The following CFAP54 variants were observed in gnomAD, a reference collection of about 807,000 sequenced individuals.
CFAP54 encodes cilia and flagella associated protein 54.
A neutral mutation model predicts 370.4 loss-of-function variants in CFAP54; 290 were observed. The observed-to-expected ratio is 0.78, with a 90% CI of 0.71 to 0.86. The LOEUF is 0.86. CFAP54 is among the 40% of genes least tolerant of loss of function. The pLI, the probability that CFAP54 is intolerant of heterozygous loss-of-function variation, is 0.00. For missense variants in CFAP54, 3,399 were observed against 3,528.7 expected (o/e 0.96, Z 0.93); for synonymous variants, 1,206 against 1,236.5 (o/e 0.98, Z 0.52).
intron 50 of CFAP54, among the ~76,000 whole-genome samples, chr12:96,733,513 G>A (rs1957945680): frequency 6.7e-6 from 1 of 148,710 alleles, no homozygotes; most frequent in Admixed American, 6.7e-5. Flanking sequence ...CTACTTCTAG[G>A]GCTGCCTCTT....
rs564303045 is a variant in CFAP54 at position 96,858,919 on chromosome 12, T to C, written c.9172-1900T>C. Among the ~76,000 whole-genome samples the C allele has an allele frequency of 4.6e-5, 7 of 152,324 alleles. No individual in the cohort carries two copies. The South Asian group carries it at 1.4e-3, about 32-fold the overall frequency. On this transcript the variant is annotated intron_variant, in intron 66 of 67. Transcript: ENST00000524981. ...TTTAAAATTAATGGAACTAAAATTA[T>C]GGAACCAAAAGACAGCCTAAATAGC...
intron 40 of CFAP54, among the ~76,000 whole-genome samples, chr12:96,680,871 G>T (rs1395409758): frequency 6.6e-6 from 1 of 152,118 alleles, no homozygotes; most frequent in Non-Finnish European, 1.5e-5. Flanking sequence ...ATCATTTGAG[G>T]TTAGGAGTTA....
chr12:96,570,209 A>G (rs982078478), intron 19 of CFAP54, among the ~76,000 whole-genome samples: 1 of 152,074 alleles, frequency 6.6e-6, no homozygotes, highest in Non-Finnish European at 1.5e-5. Context: ...CCTGGGTTCA[A>G]GGGGTCCGCT....
intron 26 of CFAP54, among the ~76,000 whole-genome samples, chr12:96,616,072 A>G (rs1039119350): frequency 2.0e-5 from 3 of 152,244 alleles, no homozygotes; most frequent in Non-Finnish European, 4.4e-5. Context: ...ACATATGTTT[A>G]TTGCGGCACT....
chr12:96,694,573 C>T (rs927799341), intron 45 of CFAP54, among the ~76,000 whole-genome samples: 3 of 152,016 alleles, frequency 2.0e-5, no homozygotes, highest in African/African-American at 7.2e-5. Context: ...ATTAGGAAGA[C>T]AGAGAAATTT....
chr12:96,573,902 C>T (rs1373430457), intron 19 of CFAP54, among the ~76,000 whole-genome samples: 3 of 152,168 alleles, frequency 2.0e-5, no homozygotes, highest in African/African-American at 7.2e-5. Context: ...GATTCTTGAC[C>T]TGCATATGCA....
chr12:96,659,381 A>G (rs1171066252), intron 38 of CFAP54, among the ~76,000 whole-genome samples: 1 of 151,922 alleles, frequency 6.6e-6, no homozygotes, highest in Non-Finnish European at 1.5e-5. Flanking sequence ...TGATCCTCCC[A>G]CCTCAGCCTC....
chr12:96,516,329 C>A (rs1475297674), intron 5 of CFAP54, among the ~76,000 whole-genome samples: 1 of 152,104 alleles, frequency 6.6e-6, no homozygotes, highest in Non-Finnish European at 1.5e-5. Flanking sequence ...TCACTCTGTA[C>A]CATTAGAATA....
intron 61 of CFAP54, 56 bp downstream of exon 61, chr12:96,784,946 T>A: frequency 8.0e-7 from 1 of 1,252,774 alleles, no homozygotes; most frequent in Non-Finnish European, 1.0e-6. Context: ...CCCATTTAAG[T>A]CATGTTTCTT....
At chr12:96,560,389 A>G (rs1041886823) in intron 17 of CFAP54, among the ~76,000 whole-genome samples, 1 of 152,130 alleles carries the variant, frequency 6.6e-6, no homozygotes, top group Non-Finnish European at 1.5e-5. Flanking sequence ...TTATGCATCT[A>G]ATTTTCAAAT....
Position 96,875,499 on chromosome 12 carries a change from G to T in CFAP54, c.*396G>T, listed in dbSNP as rs1278380085. On this transcript the variant is annotated 3_prime_UTR_variant, in exon 68 of 68. Coordinates refer to ENST00000524981, the MANE Select transcript of CFAP54 (RefSeq NM_001306084.2). ...TGCTTTGGCTTCCCCACTCTCTCCTGCGTTTTGAAAAGAATTAATTCTCAA... is the reference window on the plus strand; with the variant it reads ...TGCTTTGGCTTCCCCACTCTCTCCTTCGTTTTGAAAAGAATTAATTCTCAA... The T allele has an allele frequency of 1.3e-5, 2 of 152,002 alleles. No homozygotes were observed. Among genetic ancestry groups the T allele is most frequent in the East Asian group, 3.9e-4 (2 of 5,188 alleles). The allele number at this position is 152,002 out of a possible 1,614,324, so 9.4% of individuals were successfully genotyped here.
chr12:96,722,396 A>G (rs546885610), intron 50 of CFAP54, among the ~76,000 whole-genome samples: 3 of 152,314 alleles, frequency 2.0e-5, no homozygotes, highest in Middle Eastern at 3.4e-3. Context: ...GCAAATATCT[A>G]TAGACAAAGT....
chr12:96,826,765 A>C (rs1195433947), intron 65 of CFAP54, among the ~76,000 whole-genome samples: 3 of 112,384 alleles, frequency 2.7e-5, no homozygotes, highest in South Asian at 4.8e-4. Flanking sequence ...ACATATTAAT[A>C]TATTATATAA....
At chr12:96,693,061 A>C (rs1957403072) in intron 44 of CFAP54, among the ~76,000 whole-genome samples, 1 of 152,190 alleles carries the variant, frequency 6.6e-6, no homozygotes, top group Non-Finnish European at 1.5e-5. Flanking sequence ...TATCCATGGG[A>C]CTTCAAGAGC....
intron 5 of CFAP54, 52 bp from the exon 6 acceptor site, chr12:96,518,876 T>A: frequency 6.8e-7 from 1 of 1,463,130 alleles, no homozygotes; most frequent in Non-Finnish European, 9.1e-7. Context: ...AATACAATTA[T>A]CATTATTAAC....
intron 48 of CFAP54, among the ~76,000 whole-genome samples, chr12:96,715,048 T>A (rs1379256708): frequency 1.3e-5 from 2 of 152,212 alleles, no homozygotes; most frequent in Non-Finnish European, 2.9e-5. Flanking sequence ...TGGGTATGTT[T>A]GCAAGTTATT....
intron 60 of CFAP54, among the ~76,000 whole-genome samples, chr12:96,780,667 G>T (rs1958572171): frequency 6.6e-6 from 1 of 152,182 alleles, no homozygotes; most frequent in Non-Finnish European, 1.5e-5. Context: ...AAGGCCTATT[G>T]TGTTCCAAGC....
intron 57 of CFAP54, 43 bp downstream of exon 57, chr12:96,756,606 G>C: frequency 7.3e-7 from 1 of 1,361,278 alleles, no homozygotes; most frequent in Non-Finnish European, 1.0e-6. Flanking sequence ...TGTTTGGCTT[G>C]AGCCCCGTGT....
intron 15 of CFAP54, 127 bp from the exon 16 acceptor site, chr12:96,554,055 A>G (rs1357892817): frequency 1.7e-5 from 9 of 542,890 alleles, no homozygotes; most frequent in Non-Finnish European, 2.5e-5. Context: ...GAGACATAAC[A>G]TTGTTAGTGT....
Sources: gnomAD v4.1 joint callset for allele counts (sites outside exome capture counted in the v4.1 genomes callset) on GRCh38, gnomAD v4.1.1 for gene constraint, MANE v1.5 for transcripts, NCBI Gene and HGNC (gene_info 2026-07-23, HGNC 2026-07-21) for gene names.